The following FAF1 variants were observed in gnomAD, a reference collection of about 807,000 sequenced individuals.
FAF1 encodes FAS-associated factor 1.
FAF1 carries 25 observed loss-of-function variants against 92.5 expected under a neutral mutation model. That is an observed-to-expected ratio of 0.27 (90% confidence interval 0.20 to 0.38). The LOEUF is 0.38. Among genes scored for constraint, FAF1 ranks in the 10% least tolerant of loss-of-function variants. The pLI is 1.00. For synonymous variants in FAF1, 234 were observed against 273.2 expected (o/e 0.86, Z 1.42); for missense variants, 636 against 793.3 (o/e 0.80, Z 2.38).
At chr1:50,446,454 C>T (rs552482370) in intron 18 of FAF1, among the ~76,000 whole-genome samples, 1 of 152,308 alleles carries the variant, frequency 6.6e-6, no homozygotes, top group African/African-American at 2.4e-5. Context: ...ATTTGGGATG[C>T]TCAACCAGTA....
intron 8 of FAF1, among the ~76,000 whole-genome samples, chr1:50,642,981 C>G (rs1654413884): frequency 6.6e-6 from 1 of 152,094 alleles, no homozygotes; most frequent in South Asian, 2.1e-4. Context: ...GCTGGGATTA[C>G]AGGCACCTGC....
At chr1:50,580,897 A>G (rs1355130361) in intron 12 of FAF1, among the ~76,000 whole-genome samples, 2 of 152,060 alleles carry the variant, frequency 1.3e-5, no homozygotes, top group Non-Finnish European at 2.9e-5. Flanking sequence ...TCAGCCCCCC[A>G]AGTAGCTGGG....
At chr1:50,859,321 C>G (rs1044515708) in intron 1 of FAF1, among the ~76,000 whole-genome samples, 1 of 151,678 alleles carries the variant, frequency 6.6e-6, no homozygotes, top group African/African-American at 2.4e-5. Flanking sequence ...AGAAGTCAAA[C>G]TATCTCACTT....
intron 2 of FAF1, among the ~76,000 whole-genome samples, chr1:50,843,233 T>C (rs1023659505): frequency 1.3e-5 from 2 of 152,186 alleles, no homozygotes; most frequent in African/African-American, 4.8e-5. Context: ...GGTTTGCCTA[T>C]GGTTTCCGAC....
intron 13 of FAF1, among the ~76,000 whole-genome samples, chr1:50,543,444 T>C (rs1490319107): frequency 6.6e-6 from 1 of 152,170 alleles, no homozygotes; most frequent in Admixed American, 6.5e-5. Context: ...TTCAGTGTGA[T>C]TCCCATGAGT....
rs77491617 is a variant in FAF1 at position 50,888,621 on chromosome 1, C to T, written c.46-30624G>A. Among the ~76,000 whole-genome samples the T allele has an allele frequency of 7.8e-3, 1,178 of 150,988 alleles. 13 individuals are homozygous for T. Among genetic ancestry groups the T allele is most frequent in the African/African-American group, 0.027 (1,136 of 41,378 alleles). On this transcript the variant is annotated intron_variant, in intron 1 of 18. Transcript: ENST00000396153. ...ATTTTGTCAAAGGCCTTTTCTGCAT[C>T]GATTAGGTTTTTGTCTTTGGTTCTG...
chr1:50,662,890 T>C (rs1444844599), intron 7 of FAF1, among the ~76,000 whole-genome samples: 1 of 151,078 alleles, frequency 6.6e-6, no homozygotes, highest in Non-Finnish European at 1.5e-5. Flanking sequence ...TTAGTAGAGA[T>C]GGGGTTTCAC....
At chr1:50,750,138 T>C (rs1659795445) in intron 4 of FAF1, among the ~76,000 whole-genome samples, 1 of 152,134 alleles carries the variant, frequency 6.6e-6, no homozygotes, top group African/African-American at 2.4e-5. Context: ...CATATTTGTG[T>C]CTACCTAACT....
intron 7 of FAF1, among the ~76,000 whole-genome samples, chr1:50,689,585 AAAAAAAC>A (rs1656826798): frequency 1.3e-5 from 2 of 152,346 alleles, no homozygotes; most frequent in African/African-American, 2.4e-5. Context: ...CTCCGTCTGA[AAAAAAAC>A]AAAAAACAAA....
chr1:50,619,896 G>GGT (rs1332126802), intron 8 of FAF1, among the ~76,000 whole-genome samples: 3 of 150,704 alleles, frequency 2.0e-5, no homozygotes, highest in South Asian at 2.1e-4. Flanking sequence ...TAGTAGATTT[G>GGT]GTCTCTCTCT....
intron 2 of FAF1, among the ~76,000 whole-genome samples, chr1:50,823,352 C>T (rs553916857): frequency 5.3e-5 from 8 of 152,208 alleles, no homozygotes; most frequent in African/African-American, 1.7e-4. Context: ...ACATGGACAA[C>T]ACAGCCCCAA....
At chr1:50,793,628 G>GT (rs1397343311) in intron 3 of FAF1, among the ~76,000 whole-genome samples, 1 of 152,160 alleles carries the variant, frequency 6.6e-6, no homozygotes, top group Non-Finnish European at 1.5e-5. Context: ...TTGCATACGT[G>GT]TTTTATTTTC....
chr1:50,460,833 T>TGC (rs1218502035), intron 18 of FAF1, among the ~76,000 whole-genome samples: 2 of 150,506 alleles, frequency 1.3e-5, no homozygotes, highest in East Asian at 1.9e-4. Flanking sequence ...TGTGTGTGTG[T>TGC]GCAGAGAAAG....
At chr1:50,901,967 A>G (rs960784035) in intron 1 of FAF1, among the ~76,000 whole-genome samples, 1 of 152,230 alleles carries the variant, frequency 6.6e-6, no homozygotes, top group Non-Finnish European at 1.5e-5. Context: ...ATCTTTGCAC[A>G]CTGTAAACCA....
chr1:50,785,815 C>A lies in FAF1; in HGVS notation c.367+2185G>T, dbSNP rs1569945170. 2.0e-5 allele frequency among the ~76,000 whole-genome samples: 3 copies of A among 152,140 alleles called. No individual in the cohort carries two copies. In the East Asian group the frequency reaches 5.8e-4, roughly 29 times the overall value. Reference sequence around the variant, plus strand: ...AACATACTGCCAACAGAATTGAAAACAGGATTTCTATGAAATATCCACACT... The same window carrying A: ...AACATACTGCCAACAGAATTGAAAAAAGGATTTCTATGAAATATCCACACT... On this transcript the variant is annotated intron_variant, in intron 4 of 18. Transcript: ENST00000396153.
chr1:50,512,589 C>G (rs1278156456), intron 15 of FAF1, among the ~76,000 whole-genome samples: 1 of 152,118 alleles, frequency 6.6e-6, no homozygotes, highest in Non-Finnish European at 1.5e-5. Flanking sequence ...TTCCATTGGT[C>G]TATATATCTG....
Position 50,959,175 on chromosome 1 carries a change from G to A in FAF1, c.45+592C>T, listed in dbSNP as rs12059324. On this transcript the variant is annotated intron_variant, in intron 1 of 18. Coordinates refer to ENST00000396153, the MANE Select transcript of FAF1 (RefSeq NM_007051.3). ...TTATTAAGCTTGTGAATTCATTGCA[G>A]AGATACTCTGGAATATATAGTCTTA... Among the ~76,000 whole-genome samples the A allele has an allele frequency of 9.9e-3, 1,514 of 152,310 alleles. 23 individuals are homozygous for A. Among genetic ancestry groups the A allele is most frequent in the African/African-American group, 0.035 (1,435 of 41,544 alleles).
rs888086859 is a variant in FAF1 at position 50,806,760 on chromosome 1, T to C, written c.115-5083A>G. Among the ~76,000 whole-genome samples, 3 of 152,198 alleles carry C rather than the reference T, an allele frequency of 2.0e-5. No homozygotes were observed. The East Asian group carries it at 5.8e-4, about 29-fold the overall frequency. ...GTGAGAGCATGAAGCCTAGGAGGGATGAGCTTAGCCCTAGCTCCCTAAAAT... is the reference window on the plus strand; with the variant it reads ...GTGAGAGCATGAAGCCTAGGAGGGACGAGCTTAGCCCTAGCTCCCTAAAAT... On this transcript the variant is annotated intron_variant, in intron 2 of 18. Coordinates refer to ENST00000396153, the MANE Select transcript of FAF1 (RefSeq NM_007051.3).
intron 2 of FAF1, among the ~76,000 whole-genome samples, chr1:50,834,165 C>T (rs996764857): frequency 6.6e-6 from 1 of 152,176 alleles, no homozygotes; most frequent in African/African-American, 2.4e-5. Flanking sequence ...CTGGCGCCAG[C>T]CATGTAGGAC....
Sources: allele counts gnomAD v4.1 joint callset (sites outside exome capture counted in the v4.1 genomes callset), GRCh38; gene constraint gnomAD v4.1.1; transcripts MANE v1.5; gene names NCBI Gene and HGNC (gene_info 2026-07-23, HGNC 2026-07-21).